The following GTF3C1 variants were observed in gnomAD, a reference collection of about 807,000 sequenced individuals.
GTF3C1 encodes general transcription factor 3C polypeptide 1.
In GTF3C1, 57 loss-of-function variants were observed where a neutral mutation model predicts 226.7. That is an observed-to-expected ratio of 0.25 (90% CI 0.20 to 0.31). The LOEUF is 0.31. Among genes scored for constraint, GTF3C1 ranks in the 10% least tolerant of loss-of-function variants. GTF3C1 has a pLI of 1.00. For synonymous variants in GTF3C1, 1,090 were observed against 1,084.8 expected (o/e 1.00, Z -0.09); for missense variants, 2,217 against 2,776.1 (o/e 0.80, Z 4.53).
intron 24 of GTF3C1, among the ~76,000 whole-genome samples, chr16:27,484,572 G>C (rs565677302): frequency 6.6e-6 from 1 of 152,226 alleles, no homozygotes; most frequent in East Asian, 1.9e-4. Context: ...AGTGACCAGC[G>C]GGAAAGAGTG....
At chr16:27,502,556 T>G (rs2141396052) in intron 11 of GTF3C1, among the ~76,000 whole-genome samples, 1 of 152,274 alleles carries the variant, frequency 6.6e-6, no homozygotes, top group South Asian at 2.1e-4. Context: ...ATCTTCCAGG[T>G]AAGGAAAAGC....
intron 29 of GTF3C1, among the ~76,000 whole-genome samples, chr16:27,475,778 C>T (rs1037407924): frequency 1.3e-5 from 2 of 152,200 alleles, no homozygotes; most frequent in African/African-American, 4.8e-5. Context: ...GGAAAGGCAG[C>T]TTTCCCATCC....
chr16:27,529,728 G>C (rs1011875438), intron 5 of GTF3C1, among the ~76,000 whole-genome samples: 1 of 152,174 alleles, frequency 6.6e-6, no homozygotes, highest in Non-Finnish European at 1.5e-5. Context: ...TCAAAGGCTA[G>C]GACTGCAGCT....
intron 4 of GTF3C1, among the ~76,000 whole-genome samples, chr16:27,535,540 G>A (rs924738197): frequency 3.4e-5 from 5 of 148,564 alleles, no homozygotes; most frequent in African/African-American, 7.5e-5. Flanking sequence ...GTGCCACTGC[G>A]CTCCAGCCTA....
At chr16:27,529,315 T>C (rs781212970) in intron 5 of GTF3C1, among the ~76,000 whole-genome samples, 8 of 151,982 alleles carry the variant, frequency 5.3e-5, no homozygotes, top group East Asian at 1.9e-4. Context: ...CGGTGGCATA[T>C]GCCTGTAATC....
chr16:27,494,486 T>C (rs1027381321), intron 16 of GTF3C1, among the ~76,000 whole-genome samples: 12 of 151,758 alleles, frequency 7.9e-5, no homozygotes, highest in African/African-American at 2.9e-4. Flanking sequence ...TACCTACCAA[T>C]AGATCCATTT....
Position 27,471,270 on chromosome 16 carries a change from G to T in GTF3C1, c.4526+478C>A, listed in dbSNP as rs1051342448. On this transcript the variant is annotated intron_variant, in intron 30 of 36. Transcript: ENST00000356183. This position sits in a 1 kb window ranked among gnomAD's most constrained non-coding sequence, Gnocchi z 5.0. Reference sequence around the variant, plus strand: ...GGTGGTGCAACGCCCTCTGCGGCATGAAGCCACACTGCAAGAGCGCTTCAG... The same window carrying T: ...GGTGGTGCAACGCCCTCTGCGGCATTAAGCCACACTGCAAGAGCGCTTCAG... 1.3e-5 allele frequency among the ~76,000 whole-genome samples: 2 copies of T among 152,224 alleles called. No individual in the cohort carries two copies. The highest frequency in any genetic ancestry group is 2.9e-5 in the Non-Finnish European group (2 of 68,050).
intron 27 of GTF3C1, 112 bp downstream of exon 27, chr16:27,480,967 T>C: frequency 1.2e-6 from 1 of 816,026 alleles, no homozygotes; most frequent in Non-Finnish European, 2.1e-6. Context: ...CAAGGCCAAA[T>C]GCAGCCAGGC....
chr16:27,480,897 G>C (rs2088033919), intron 27 of GTF3C1, 182 bp downstream of exon 27: 2 of 562,846 alleles, frequency 3.6e-6, no homozygotes, highest in Middle Eastern at 4.6e-4. Context: ...TGCCCGGCAG[G>C]GTGCTAGGTC....
intron 1 of GTF3C1, among the ~76,000 whole-genome samples, chr16:27,546,773 C>G (rs1478304076): frequency 6.6e-6 from 1 of 151,942 alleles, no homozygotes; most frequent in Non-Finnish European, 1.5e-5. Flanking sequence ...ACCCTCCATT[C>G]CTTTTTTTTA....
chr16:27,501,462 G>A (rs1304122054), intron 11 of GTF3C1, 118 bp from the exon 12 acceptor site: 1 of 891,076 alleles, frequency 1.1e-6, no homozygotes, highest in Non-Finnish European at 1.8e-6. Flanking sequence ...GGATCAAACG[G>A]GGTTTCCCCA....
In GTF3C1 at chr16:27,471,801, G is replaced by A. The variant is rs1381920785; in HGVS notation, c.4473C>T (p.Asn1491=). 2 of 1,614,040 alleles carry A rather than the reference G, an allele frequency of 1.2e-6. No homozygotes were observed. The highest frequency in any genetic ancestry group is 1.7e-6 in the Non-Finnish European group (2 of 1,179,900). Residue 1491 remains asparagine (N), a synonymous_variant, in exon 30 of 37, where the codon AAC becomes AAT. Transcript: ENST00000356183. This position sits in a 1 kb window ranked among gnomAD's most constrained non-coding sequence, Gnocchi z 5.0. ...ACATTGGCACGAAGGGGAGGGCCCG[G>A]TTCTTCTTGGGGCCCAGCGTGTGGT... ...RVNHTLGPKK[N]RALPFVPMSY...
intron 6 of GTF3C1, among the ~76,000 whole-genome samples, chr16:27,512,844 G>T (rs747552827): frequency 6.6e-5 from 10 of 152,198 alleles, no homozygotes; most frequent in African/African-American, 2.4e-5. Context: ...CAGAGGGGTT[G>T]AATAACTTGT....
intron 26 of GTF3C1, chr16:27,482,640 G>A: frequency 2.2e-6 from 1 of 458,442 alleles, no homozygotes; most frequent in South Asian, 1.5e-5. Flanking sequence ...CTGAGGCGAA[G>A]GGCAGGAGTC....
rs529857733 is a variant in GTF3C1 at position 27,495,370 on chromosome 16, A to G, written c.2473T>C (p.Phe825Leu). The G allele has an allele frequency of 3.1e-6, 5 of 1,614,180 alleles. No homozygotes were observed. The African/African-American group carries it at 4.0e-5, about 13-fold the overall frequency. ...PASNTVEKPS[F>L]ISERRTIKQE... The stretch of plus-strand genomic sequence containing the variant: ...TTTATCGTTCTCCGTTCACTGATGA[A>G]GCTTGGCTTCTCCACGGTGTTGCTG... Residue 825 changes from phenylalanine to leucine, a missense_variant, in exon 15 of 37, where the codon TTC (phenylalanine) becomes CTC (leucine). Transcript: ENST00000356183.
intron 16 of GTF3C1, among the ~76,000 whole-genome samples, chr16:27,493,565 G>A (rs11648096): frequency 0.077 from 11,744 of 152,112 alleles, 622 homozygotes; most frequent in Middle Eastern, 0.14. Context: ...CTTTCCCGGG[G>A]GCAACATAAG....
intron 26 of GTF3C1, 34 bp downstream of exon 26, chr16:27,483,010 A>C: frequency 1.3e-6 from 2 of 1,585,008 alleles, no homozygotes; most frequent in Non-Finnish European, 1.7e-6. Flanking sequence ...CAATCTCCCA[A>C]GCATACCAAG....
chr16:27,545,531 GA>G lies in GTF3C1; in HGVS notation c.222-9del. 1.3e-6 allele frequency: 2 copies of G among 1,531,798 alleles called. No individual in the cohort carries two copies. The highest frequency in any genetic ancestry group is 1.8e-6 in the Non-Finnish European group (2 of 1,105,484). The allele number at this position is 1,531,798 out of a possible 1,614,324, so 94.9% of individuals were successfully genotyped here. ...AAATCAATTTCTTCATACCTAAGGA[GA>G]AAAACACAAATATCAAAGCCCAACT... On this transcript the variant is annotated splice_polypyrimidine_tract_variant and intron_variant, in intron 1 of 36. Coordinates refer to ENST00000356183, the MANE Select transcript of GTF3C1 (RefSeq NM_001520.4).
At chr16:27,494,732 T>A in intron 16 of GTF3C1, 31 bp downstream of exon 16, 1 of 1,578,950 alleles carries the variant, frequency 6.3e-7, no homozygotes, top group Non-Finnish European at 8.7e-7. Flanking sequence ...TGAGGGGCAA[T>A]TCCTGTGATA....
Sources: gnomAD v4.1 joint callset for allele counts (sites outside exome capture counted in the v4.1 genomes callset) on GRCh38, gnomAD v4.1.1 for gene constraint, Gnocchi (gnomAD v3.1) non-coding constraint, MANE v1.5 for transcripts, NCBI Gene and HGNC (gene_info 2026-07-23, HGNC 2026-07-21) for gene names.